Variants in RALGPS2 observed in about 807,000 individuals in gnomAD.
RALGPS2 encodes Ral GEF with PH domain and SH3 binding motif 2.
A neutral mutation model predicts 86.8 loss-of-function variants in RALGPS2; 43 were observed. The observed-to-expected ratio is 0.50, with a 90% confidence interval of 0.39 to 0.64. The LOEUF is 0.64. Ranked by LOEUF, RALGPS2 falls within the 30% of genes least tolerant of loss-of-function variation. The pLI is 0.00. For synonymous variants in RALGPS2, 243 were observed against 231.3 expected, an observed-to-expected ratio of 1.05 and a Z score of -0.46; for missense variants, 536 against 694.6, an observed-to-expected ratio of 0.77 and a Z score of 2.57.
At chr1:178,870,635 C>A (rs1174362310) in intron 8 of RALGPS2, 1 of 152,074 alleles carries the variant, frequency 6.6e-6, no homozygotes. Context: ...GTAGTATATT[C>A]CAAAGGTCTT....
intron 5 of RALGPS2, 70 bp downstream of exon 5, chr1:178,808,198 A>G: frequency 9.0e-7 from 1 of 1,109,396 alleles, no homozygotes; most frequent in Non-Finnish European, 1.4e-6. Context: ...CTTAAGAAAT[A>G]ATTTAACTTT....
At chr1:178,788,193 T>G (rs1367450711) in intron 4 of RALGPS2, among the ~76,000 whole-genome samples, 1 of 152,260 alleles carries the variant, frequency 6.6e-6, no homozygotes, top group Non-Finnish European at 1.5e-5. Context: ...AAGCTTTTTT[T>G]GTCTTTCTAC....
intron 8 of RALGPS2, among the ~76,000 whole-genome samples, chr1:178,846,598 G>C (rs1196748430): frequency 6.6e-6 from 1 of 151,994 alleles, no homozygotes; most frequent in Admixed American, 6.6e-5. Flanking sequence ...TTAGACCAAA[G>C]ACTTCTGAAA....
chr1:178,844,407 A>AT (rs1272056028), intron 8 of RALGPS2, among the ~76,000 whole-genome samples: 2 of 152,176 alleles, frequency 1.3e-5, no homozygotes, highest in Non-Finnish European at 2.9e-5. Context: ...TAAAACTCTT[A>AT]TTTTGATACC....
chr1:178,766,588 C>T (rs1652519321), intron 1 of RALGPS2, among the ~76,000 whole-genome samples: 1 of 152,108 alleles, frequency 6.6e-6, no homozygotes, highest in Non-Finnish European at 1.5e-5. Context: ...TCTCTTCTGG[C>T]TTGTAGGTTT....
intron 8 of RALGPS2, among the ~76,000 whole-genome samples, chr1:178,864,727 T>C (rs570622463): frequency 6.6e-6 from 1 of 152,272 alleles, no homozygotes; most frequent in Admixed American, 6.5e-5. Flanking sequence ...GATGGAAGAC[T>C]GGTTTTTTTC....
chr1:178,902,790 T>G (rs1660232228), intron 18 of RALGPS2, among the ~76,000 whole-genome samples: 1 of 152,168 alleles, frequency 6.6e-6, no homozygotes, highest in Non-Finnish European at 1.5e-5. Flanking sequence ...AAAGAATATT[T>G]AAGAACAAAA....
intron 1 of RALGPS2, among the ~76,000 whole-genome samples, chr1:178,773,842 GA>G (rs1652934797): frequency 6.6e-6 from 1 of 151,828 alleles, no homozygotes; most frequent in African/African-American, 2.4e-5. Flanking sequence ...AAATAGTTAC[GA>G]AAAGTTTATA....
intron 6 of RALGPS2, among the ~76,000 whole-genome samples, chr1:178,819,942 C>T (rs1474747197): frequency 6.6e-6 from 1 of 152,154 alleles, no homozygotes; most frequent in Non-Finnish European, 1.5e-5. Context: ...ATATCTTACC[C>T]AAAGCATTTG....
intron 12 of RALGPS2, 60 bp downstream of exon 12, chr1:178,885,271 C>A: frequency 1.3e-6 from 2 of 1,501,814 alleles, no homozygotes; most frequent in South Asian, 2.5e-5. Context: ...GATTTATTGT[C>A]GATTTATTAG....
At chr1:178,755,236 C>G (rs1651889251) in intron 1 of RALGPS2, among the ~76,000 whole-genome samples, 1 of 151,846 alleles carries the variant, frequency 6.6e-6, no homozygotes, top group South Asian at 2.1e-4. Context: ...AGATTTGTTA[C>G]CTGGGTATAT....
chr1:178,860,113 G>T (rs949923164), intron 8 of RALGPS2, among the ~76,000 whole-genome samples: 1 of 152,024 alleles, frequency 6.6e-6, no homozygotes, highest in Admixed American at 6.6e-5. Context: ...CATGGTGAAG[G>T]AACTTTCTCC....
intron 1 of RALGPS2, among the ~76,000 whole-genome samples, chr1:178,739,489 C>T (rs1187286854): frequency 1.3e-5 from 2 of 152,148 alleles, no homozygotes; most frequent in Non-Finnish European, 2.9e-5. Flanking sequence ...GTGGAAAGAA[C>T]ATACTGATTG....
chr1:178,823,555 C>T lies in RALGPS2; in HGVS notation c.480+1851C>T, dbSNP rs958408354. On this transcript the variant is annotated intron_variant, in intron 7 of 19. Coordinates refer to ENST00000367635, the MANE Select transcript of RALGPS2 (RefSeq NM_152663.5). ...AGAGACCTGGAGGAATTGAGGGAAC[C>T]ATTTATTTGGATATCTGGGAGAAGA... Among the ~76,000 whole-genome samples the T allele has an allele frequency of 5.9e-5, 9 of 152,144 alleles. No homozygotes were observed. The East Asian group carries it at 1.7e-3, about 29-fold the overall frequency.
At chr1:178,882,144 A>T (rs375068522) in intron 10 of RALGPS2, among the ~76,000 whole-genome samples, 1 of 152,328 alleles carries the variant, frequency 6.6e-6, no homozygotes, top group East Asian at 1.9e-4. Context: ...CTTTTTAAAG[A>T]TGCCTCTGCT....
chr1:178,878,224 AT>A (rs145475710), intron 9 of RALGPS2, among the ~76,000 whole-genome samples: 6,864 of 152,020 alleles, frequency 0.045, 158 homozygotes, highest in Non-Finnish European at 0.057. Flanking sequence ...GAGAAAAGGC[AT>A]TTTTTTTAAT....
chr1:178,853,694 T>G (rs1345612705), intron 8 of RALGPS2: 2 of 1,613,074 alleles, frequency 1.2e-6, no homozygotes, highest in Non-Finnish European at 1.7e-6. Context: ...ACACCATAAC[T>G]GCATTGGTCC....
intron 19 of RALGPS2, among the ~76,000 whole-genome samples, chr1:178,914,758 T>G (rs1445468755): frequency 1.3e-5 from 2 of 152,172 alleles, no homozygotes; most frequent in African/African-American, 4.8e-5. Context: ...AATAGCAGTA[T>G]TTAGTACCAT....
chr1:178,759,104 G>A (rs1426672044), intron 1 of RALGPS2, among the ~76,000 whole-genome samples: 2 of 152,030 alleles, frequency 1.3e-5, no homozygotes, highest in Admixed American at 6.6e-5. Flanking sequence ...TTTTGCTTTG[G>A]TTGCCTGTGC....
Sources: gnomAD v4.1 joint callset for allele counts (sites outside exome capture counted in the v4.1 genomes callset) on GRCh38, gnomAD v4.1.1 for gene constraint, MANE v1.5 for transcripts, NCBI Gene and HGNC (gene_info 2026-07-23, HGNC 2026-07-21) for gene names.